Variants in NT5DC1 observed in about 807,000 individuals in gnomAD.
The protein encoded by NT5DC1 is 5'-nucleotidase domain containing 1.
NT5DC1 carries 42 observed loss-of-function variants against 59.4 expected under a neutral mutation model. That is an observed-to-expected ratio of 0.71 (90% CI 0.55 to 0.92). NT5DC1 has a LOEUF of 0.92. Among genes scored for constraint, NT5DC1 ranks in the 40% least tolerant of loss-of-function variants. NT5DC1 has a pLI of 0.00. For synonymous variants in NT5DC1, 172 were observed against 188.1 expected (o/e 0.91, Z 0.70); for missense variants, 501 against 537.1 (o/e 0.93, Z 0.66).
At position 116,248,393 on chromosome 6, in the gene NT5DC1, A is replaced by T. The variant is rs897628092; in HGVS notation, c.*4369A>T. On this transcript the variant is annotated 3_prime_UTR_variant, in exon 12 of 12. Transcript: ENST00000319550. ...GTAACTGAAACAAGATCAAATATCCATGTCTTAAATTGTGATTCTCTAGGA... is the reference window on the plus strand; with the variant it reads ...GTAACTGAAACAAGATCAAATATCCTTGTCTTAAATTGTGATTCTCTAGGA... 1 of 152,242 alleles carries T rather than the reference A, an allele frequency of 6.6e-6. No homozygotes were observed. Among genetic ancestry groups the T allele is most frequent in the South Asian group, 2.1e-4 (1 of 4,838 alleles). 9.4% of individuals were successfully genotyped at this position (152,242 alleles called of 1,614,324 possible).
intron 4 of NT5DC1, among the ~76,000 whole-genome samples, chr6:116,112,583 G>C (rs1437077731): frequency 6.6e-6 from 1 of 152,098 alleles, no homozygotes; most frequent in Non-Finnish European, 1.5e-5. Context: ...CACACACTAG[G>C]TACACTTAGT....
In NT5DC1 at chr6:116,247,242, T is replaced by A. The variant is rs1255845359; in HGVS notation, c.*3218T>A. The A allele has an allele frequency of 1.8e-4, 27 of 152,198 alleles. No homozygotes were observed. Among genetic ancestry groups the A allele is most frequent in the Admixed American group, 1.8e-3 (27 of 15,278 alleles). 9.4% of individuals were successfully genotyped at this position (152,198 alleles called of 1,614,324 possible). ...AGGGATTAACATTGAAGACACAGCC[T>A]CTATCTTTAAGTAATTCATAATTTA... On this transcript the variant is annotated 3_prime_UTR_variant, in exon 12 of 12. Coordinates refer to ENST00000319550, the MANE Select transcript of NT5DC1 (RefSeq NM_152729.3).
chr6:116,118,439 A>G (rs1032396636), intron 6 of NT5DC1, among the ~76,000 whole-genome samples: 24 of 152,172 alleles, frequency 1.6e-4, no homozygotes, highest in African/African-American at 5.6e-4. Flanking sequence ...ATTACACAAG[A>G]TTGCTTCTAA....
rs189773609 is a variant in NT5DC1, at chr6:116,172,609, C to T, written c.530-48445C>T. Among the ~76,000 whole-genome samples the T allele has an allele frequency of 4.2e-4, 64 of 152,140 alleles. No homozygotes were observed. In the East Asian group the frequency reaches 0.01, roughly 25 times the overall value. ...TGCTGGGATTACAGGTGTGAGCCAC[C>T]GCGCCAGGCCACACCTTAGTAACAT... On this transcript the variant is annotated intron_variant, in intron 6 of 11. Coordinates refer to ENST00000319550, the MANE Select transcript of NT5DC1 (RefSeq NM_152729.3).
chr6:116,135,851 A>G (rs930516407), intron 6 of NT5DC1, among the ~76,000 whole-genome samples: 17 of 113,540 alleles, frequency 1.5e-4, no homozygotes, highest in African/African-American at 4.5e-4. Flanking sequence ...ATATATATAT[A>G]TATATATATA....
chr6:116,181,006 A>G (rs1376313076), intron 6 of NT5DC1, among the ~76,000 whole-genome samples: 1 of 152,084 alleles, frequency 6.6e-6, no homozygotes, highest in African/African-American at 2.4e-5. Context: ...AAGAATTCTT[A>G]TCACTTAGAT....
At chr6:116,126,950 G>A (rs573497167) in intron 6 of NT5DC1, among the ~76,000 whole-genome samples, 159 of 152,176 alleles carry the variant, frequency 1.0e-3, no homozygotes, top group Non-Finnish European at 1.9e-3. Context: ...GTCAATTTTG[G>A]TAGTTAGACT....
chr6:116,110,729 CAG>C (rs750828877), intron 3 of NT5DC1, 119 bp from the exon 4 acceptor site: 1 of 792,266 alleles, frequency 1.3e-6, no homozygotes. Flanking sequence ...CAGTTGAAAA[CAG>C]AAAAAATACA....
chr6:116,123,194 A>G (rs1450722244), intron 6 of NT5DC1, among the ~76,000 whole-genome samples: 1 of 152,194 alleles, frequency 6.6e-6, no homozygotes, highest in African/African-American at 2.4e-5. Flanking sequence ...CTGTTTTACT[A>G]TTAAAAAGGA....
chr6:116,241,543 G>A (rs1240160611), intron 11 of NT5DC1, among the ~76,000 whole-genome samples: 7 of 152,146 alleles, frequency 4.6e-5, no homozygotes, highest in Non-Finnish European at 1.0e-4. Context: ...ACTCTCAAGA[G>A]AATTGTGATG....
At chr6:116,236,533 T>A (rs1158118690) in intron 8 of NT5DC1, among the ~76,000 whole-genome samples, 1 of 152,222 alleles carries the variant, frequency 6.6e-6, no homozygotes, top group Non-Finnish European at 1.5e-5. Context: ...GTGCAAAATT[T>A]ACATCTGAAT....
intron 6 of NT5DC1, among the ~76,000 whole-genome samples, chr6:116,132,382 C>CT (rs1779490928): frequency 6.6e-6 from 1 of 152,102 alleles, no homozygotes; most frequent in Non-Finnish European, 1.5e-5. Context: ...GCCTACTTTT[C>CT]CTGTACATGT....
At chr6:116,170,406 A>G (rs1262182789) in intron 6 of NT5DC1, among the ~76,000 whole-genome samples, 1 of 152,164 alleles carries the variant, frequency 6.6e-6, no homozygotes, top group Non-Finnish European at 1.5e-5. Context: ...TTGTAGGCAG[A>G]TTATCTAGCC....
At chr6:116,110,995 G>T in intron 4 of NT5DC1, 39 bp downstream of exon 4, 1 of 1,347,468 alleles carries the variant, frequency 7.4e-7, no homozygotes. Flanking sequence ...TCCGCTCCCT[G>T]TTTGTTTTGT....
intron 6 of NT5DC1, among the ~76,000 whole-genome samples, chr6:116,160,480 T>G (rs1780300704): frequency 6.6e-6 from 1 of 152,208 alleles, no homozygotes; most frequent in African/African-American, 2.4e-5. Flanking sequence ...GTTTTTTTTC[T>G]TTTTGATTTG....
intron 9 of NT5DC1, 129 bp from the exon 10 acceptor site, chr6:116,238,058 G>A (rs1047305724): frequency 1.7e-6 from 1 of 583,178 alleles, no homozygotes; most frequent in Non-Finnish European, 3.0e-6. Context: ...TCAAATAAGT[G>A]AAGATGTTTA....
chr6:116,110,625 A>G (rs1359021213), intron 3 of NT5DC1: 3 of 619,794 alleles, frequency 4.8e-6, no homozygotes, highest in East Asian at 5.7e-5. Context: ...CAGAGTGAGT[A>G]TCTCCTAATC....
At chr6:116,199,529 C>T (rs1287398578) in intron 6 of NT5DC1, among the ~76,000 whole-genome samples, 3 of 152,098 alleles carry the variant, frequency 2.0e-5, no homozygotes, top group African/African-American at 7.2e-5. Flanking sequence ...AGTCACCTAG[C>T]ACTCAGATCT....
chr6:116,222,361 T>C (rs1213248186), intron 7 of NT5DC1, among the ~76,000 whole-genome samples: 1 of 152,180 alleles, frequency 6.6e-6, no homozygotes, highest in Non-Finnish European at 1.5e-5. Flanking sequence ...TATGTATTGC[T>C]GTTTGGATTT....
Sources: allele counts gnomAD v4.1 joint callset (sites outside exome capture counted in the v4.1 genomes callset), GRCh38; gene constraint gnomAD v4.1.1; transcripts MANE v1.5; gene names NCBI Gene and HGNC (gene_info 2026-07-23, HGNC 2026-07-21).